The following PGD variants were observed in gnomAD, a reference collection of about 807,000 sequenced individuals.
The protein encoded by PGD is 6-phosphogluconate dehydrogenase, decarboxylating.
PGD carries 21 observed loss-of-function variants against 60.4 expected under a neutral mutation model. That is an observed-to-expected ratio of 0.35 (90% CI 0.25 to 0.50). PGD has a LOEUF of 0.50. Among genes scored for constraint, PGD ranks in the 20% least tolerant of loss-of-function variants. The pLI is 0.98. For synonymous variants in PGD, 230 were observed against 235.9 expected (o/e 0.97, Z 0.23); for missense variants, 477 against 613.1 (o/e 0.78, Z 2.34).
rs1315208555 is a variant in PGD at position 10,420,229 on chromosome 1, A to AG, written c.*481dup. Reference sequence around the variant, plus strand: ...CAGAAAGATTTTTCTTTAAAAAAAAAGACTAGAATAACACAAGAAACCACA... The same window carrying AG: ...CAGAAAGATTTTTCTTTAAAAAAAAAGGACTAGAATAACACAAGAAACCACA... On this transcript the variant is annotated 3_prime_UTR_variant, in exon 13 of 13. Transcript: ENST00000270776. 1.2e-5 allele frequency: 2 copies of AG among 160,314 alleles called. No homozygotes were observed. Among genetic ancestry groups the AG allele is most frequent in the Non-Finnish European group, 2.8e-5 (2 of 72,412 alleles). 9.9% of individuals were successfully genotyped at this position (160,314 alleles called of 1,614,324 possible).
chr1:10,399,122 C>T lies in PGD; in HGVS notation c.5C>T (p.Ala2Val), dbSNP rs1639263640. The T allele has an allele frequency of 1.2e-6, 2 of 1,609,558 alleles. No homozygotes were observed. Among genetic ancestry groups the T allele is most frequent in the East Asian group, 2.2e-5 (1 of 44,856 alleles). Residue 2 changes from alanine (A) to valine (V), a missense_variant, in exon 1 of 13, where the codon GCC becomes GTC. Ala to Val is a moderately conservative substitution (Grantham distance 64). Transcript: ENST00000270776. M[A>V]QADIALIGLA... ...GGTTCTGCTCTGTCCGCCGCCATGG[C>T]CCAGTGAGTGACTCGCCAGGGGCAG...
chr1:10,405,140 T>C (rs1004142615), intron 5 of PGD, among the ~76,000 whole-genome samples: 1 of 151,858 alleles, frequency 6.6e-6, no homozygotes, highest in African/African-American at 2.4e-5. Flanking sequence ...TTCGGGAGGC[T>C]GAGGCAGGCA....
At chr1:10,408,216 C>T (rs1639440422) in intron 6 of PGD, 76 bp downstream of exon 6, 2 of 841,388 alleles carry the variant, frequency 2.4e-6, no homozygotes, top group Non-Finnish European at 4.2e-6. Flanking sequence ...GGAGAAAGGC[C>T]ACCGTGGTCT....
chr1:10,419,882 GACAC>G lies in PGD; in HGVS notation c.*137_*140del, dbSNP rs894054365. On this transcript the variant is annotated 3_prime_UTR_variant, in exon 13 of 13. Transcript: ENST00000270776. ...AGTGTTGTAAGAGACTCCTGAGGAAGACACACAGTTTATTTGTAAAGTAGCTCTG... is the reference window on the plus strand; with the variant it reads ...AGTGTTGTAAGAGACTCCTGAGGAAGACAGTTTATTTGTAAAGTAGCTCTG... 1 of 1,070,170 alleles carries G rather than the reference GACAC, an allele frequency of 9.3e-7. No homozygotes were observed. Among genetic ancestry groups the G allele is most frequent in the Non-Finnish European group, 1.4e-6 (1 of 731,098 alleles). The allele number at this position is 1,070,170 out of a possible 1,614,324, so 66.3% of individuals were successfully genotyped here.
chr1:10,409,649 C>CTTTTTTTTTTTTT lies in PGD; in HGVS notation c.519+1523_519+1535dup, dbSNP rs543426528. Among the ~76,000 whole-genome samples the CTTTTTTTTTTTTT allele has an allele frequency of 1.1e-4, 8 of 75,416 alleles. 1 individual carries two copies. The highest frequency in any genetic ancestry group is 4.3e-4 in the African/African-American group (7 of 16,404). 49.5% of individuals were successfully genotyped at this position (75,416 alleles called of 152,430 possible). A position where few individuals can be genotyped will look rare whatever the true frequency, so the allele number is the denominator to read the frequency against. ...CTGCAATAAAAGTGAGTGGTAGCAACTTTTTTTTTTTTTTTTTTTTTTTTT... is the reference window on the plus strand; with the variant it reads ...CTGCAATAAAAGTGAGTGGTAGCAACTTTTTTTTTTTTTTTTTTTTTTTTTTTTTTTTTTTTTT... On this transcript the variant is annotated intron_variant, in intron 6 of 12. Coordinates refer to ENST00000270776, the MANE Select transcript of PGD (RefSeq NM_002631.4).
intron 3 of PGD, among the ~76,000 whole-genome samples, chr1:10,402,485 G>C (rs1176369242): frequency 6.6e-6 from 1 of 151,192 alleles, no homozygotes; most frequent in African/African-American, 2.4e-5. Context: ...CCAGGAGTTT[G>C]AGACCAGCCT....
intron 3 of PGD, among the ~76,000 whole-genome samples, chr1:10,401,299 C>T (rs1367585831): frequency 6.6e-6 from 1 of 152,164 alleles, no homozygotes; most frequent in African/African-American, 2.4e-5. Flanking sequence ...GCAGGTATAT[C>T]TTTTTTGGAA....
intron 2 of PGD, chr1:10,400,075 C>A: frequency 2.2e-6 from 1 of 454,794 alleles, no homozygotes; most frequent in Non-Finnish European, 4.0e-6. Context: ...GGCTTAGACG[C>A]CAGGATGATC....
At chr1:10,410,971 A>G (rs185187483) in intron 6 of PGD, among the ~76,000 whole-genome samples, 18 of 152,132 alleles carry the variant, frequency 1.2e-4, no homozygotes, top group Admixed American at 9.2e-4. Context: ...AACAACTACA[A>G]TACATTTATA....
Position 10,417,058 on chromosome 1 carries a change from G to A in PGD, c.916G>A (p.Gly306Ser). The A allele has an allele frequency of 1.2e-6, 2 of 1,614,002 alleles. No individual in the cohort carries two copies. The highest frequency in any genetic ancestry group is 1.1e-5 in the South Asian group (1 of 91,066). ...AATTCAAGCTAGCAAAAAGCTGAAG[G>A]GTCCCCAGAAGTTCCAGTTTGATGG... ...ERIQASKKLK[G>S]PQKFQFDGDK... The change falls in exon 9 of 13, where the codon GGT becomes AGT. Residue 306 changes from glycine (G) to serine (S), a missense_variant. Gly to Ser is a moderately conservative substitution (Grantham distance 56). Coordinates refer to ENST00000270776, the MANE Select transcript of PGD (RefSeq NM_002631.4).
At chr1:10,405,817 CAG>C (rs1156413279) in intron 5 of PGD, among the ~76,000 whole-genome samples, 1 of 150,700 alleles carries the variant, frequency 6.6e-6, no homozygotes, top group South Asian at 2.1e-4. Flanking sequence ...TCATGGGTGA[CAG>C]AGCGAGACTC....
At chr1:10,402,087 T>C (rs1180420703) in intron 3 of PGD, among the ~76,000 whole-genome samples, 1 of 152,170 alleles carries the variant, frequency 6.6e-6, no homozygotes, top group Admixed American at 6.5e-5. Flanking sequence ...GTTGGTGTGC[T>C]GTAGGTAGAT....
At chr1:10,407,170 A>C (rs1386302370) in intron 5 of PGD, among the ~76,000 whole-genome samples, 4 of 152,140 alleles carry the variant, frequency 2.6e-5, no homozygotes, top group Non-Finnish European at 5.9e-5. Context: ...AAAATTAGCC[A>C]GGCATGGTGG....
At position 10,418,892 on chromosome 1, in the gene PGD, C is replaced by G; in HGVS notation, c.1176C>G (p.Asp392Glu). 1 of 1,611,422 alleles carries G rather than the reference C, an allele frequency of 6.2e-7. No homozygotes were observed. The highest frequency in any genetic ancestry group is 8.5e-7 in the Non-Finnish European group (1 of 1,177,720). The change falls in exon 11 of 13, where the codon GAC becomes GAG. Residue 392 changes from aspartate (D) to glutamate (E), a missense_variant. Asp to Glu is a conservative substitution (Grantham distance 45). Transcript: ENST00000270776. Reference protein sequence around the residue: ...RNPELQNLLLDDFFKSAVENC... With the variant: ...RNPELQNLLLEDFFKSAVENC... Reference sequence around the variant, plus strand: ...CGGAACTTCAGAACCTCCTACTGGACGACTTCTTTAAGTCAGCTGTTGAAA... The same window carrying G: ...CGGAACTTCAGAACCTCCTACTGGAGGACTTCTTTAAGTCAGCTGTTGAAA...
intron 7 of PGD, among the ~76,000 whole-genome samples, chr1:10,412,591 C>T (rs1422029602): frequency 1.3e-5 from 2 of 152,128 alleles, no homozygotes; most frequent in Admixed American, 6.5e-5. Context: ...AGCAAACACA[C>T]GAGTGCTTTA....
At chr1:10,418,331 C>T (rs764910410) in intron 10 of PGD, among the ~76,000 whole-genome samples, 4 of 152,098 alleles carry the variant, frequency 2.6e-5, no homozygotes, top group Non-Finnish European at 5.9e-5. Flanking sequence ...CCTCAAAAAG[C>T]GTGTTTATGT....
At chr1:10,399,570 G>T in intron 1 of PGD, 59 bp from the exon 2 acceptor site, 1 of 1,464,008 alleles carries the variant, frequency 6.8e-7, no homozygotes, top group South Asian at 1.1e-5. Flanking sequence ...CCGGACCCCT[G>T]GGTTGCAGCG....
At position 10,400,524 on chromosome 1, in the gene PGD, C is replaced by T. The variant is rs777608999; in HGVS notation, c.216C>T (p.Ile72=). The change falls in exon 3 of 13, where the codon ATC becomes ATT. Residue 72 remains isoleucine (I), a synonymous_variant. Coordinates refer to ENST00000270776, the MANE Select transcript of PGD (RefSeq NM_002631.4). ...AGCTGAAGAAGCCCCGGCGGATCAT[C>T]CTCCTGGTGAAGGCTGGGCAAGCTG... The part of the protein sequence containing the change: ...VSKLKKPRRI[I]LLVKAGQAVD... The T allele has an allele frequency of 1.6e-5, 26 of 1,614,108 alleles. 1 individual carries two copies. In the South Asian group the frequency reaches 2.9e-4, roughly 18 times the overall value.
chr1:10,400,610 C>T, intron 3 of PGD, 38 bp downstream of exon 3: 1 of 1,530,870 alleles, frequency 6.5e-7, no homozygotes, highest in Non-Finnish European at 8.8e-7. Context: ...ACCACGATAG[C>T]AGCTGTTTTT....
Sources: gnomAD v4.1 joint callset for allele counts (sites outside exome capture counted in the v4.1 genomes callset) on GRCh38, gnomAD v4.1.1 for gene constraint, MANE v1.5 for transcripts, NCBI Gene and HGNC (gene_info 2026-07-23, HGNC 2026-07-21) for gene names.